RANBP2: variants seen among roughly 807,000 people sequenced by gnomAD.
RANBP2 encodes the protein RAN binding protein 2, also known as E3 SUMO-protein ligase RanBP2.
Under a neutral mutation model 303.6 loss-of-function variants are expected in RANBP2, and 57 were observed. The observed-to-expected ratio is 0.19, with a 90% CI of 0.15 to 0.23. The LOEUF (loss-of-function observed/expected upper bound fraction) is 0.23, where lower values mean the gene tolerates loss of function less well. Ranked by LOEUF, RANBP2 falls within the 10% of genes least tolerant of loss-of-function variation. The pLI, the probability that RANBP2 is intolerant of heterozygous loss-of-function variation, is 1.00. For missense variants in RANBP2, 3,138 were observed against 3,780.8 expected, an observed-to-expected ratio of 0.83 and a Z score of 4.46; for synonymous variants, 1,167 against 1,301.5, an observed-to-expected ratio of 0.90 and a Z score of 2.23.
chr2:109,695,616 T>C, the RANBP2 span, among the ~76,000 whole-genome samples: 4 of 152,112 alleles, frequency 2.6e-5, no homozygotes, highest in Non-Finnish European at 5.9e-5. Context: ...TTCTATCAGA[T>C]AGGAGATAGA....
the RANBP2 span, among the ~76,000 whole-genome samples, chr2:109,053,136 G>T: frequency 4.6e-5 from 7 of 152,188 alleles, no homozygotes; most frequent in African/African-American, 1.7e-4. Context: ...TATCCTCCAG[G>T]TACTGGATCT....
chr2:109,050,879 G>C, the RANBP2 span, among the ~76,000 whole-genome samples: 11 of 152,218 alleles, frequency 7.2e-5, no homozygotes, highest in East Asian at 1.9e-3. Context: ...TATGTATTTA[G>C]GAGATGTGTA....
chr2:109,614,664 C>T, the RANBP2 span: 1 of 1,480,316 alleles, frequency 6.8e-7, no homozygotes. Context: ...CTTCAAGGAG[C>T]TGGTGAACGC....
the RANBP2 span, among the ~76,000 whole-genome samples, chr2:109,475,077 G>A: frequency 9.2e-5 from 14 of 152,142 alleles, no homozygotes; most frequent in African/African-American, 2.4e-4. Flanking sequence ...TCCCAGGTTC[G>A]AGCGATCCTC....
the RANBP2 span, among the ~76,000 whole-genome samples, chr2:109,506,948 A>G: frequency 6.6e-6 from 1 of 152,200 alleles, no homozygotes; most frequent in African/African-American, 2.4e-5. Flanking sequence ...CAGCCACCCC[A>G]CACAGAGCAG....
the RANBP2 span, among the ~76,000 whole-genome samples, chr2:109,103,624 T>C: frequency 6.6e-6 from 1 of 152,180 alleles, no homozygotes; most frequent in East Asian, 1.9e-4. Context: ...GCCAAGCTTC[T>C]TGTTACATAG....
At chr2:109,771,672 G>A in the RANBP2 span, among the ~76,000 whole-genome samples, 54 of 18,794 alleles carry the variant, frequency 2.9e-3, 1 homozygote, top group Non-Finnish European at 3.7e-3. Context: ...AGTCTGAAAG[G>A]AAGTAGGGTA....
At chr2:108,883,007 C>G in the RANBP2 span, 1 of 152,054 alleles carries the variant, frequency 6.6e-6, no homozygotes, top group African/African-American at 2.4e-5. Context: ...AAGACCTTGT[C>G]TTCTTTATAT....
the RANBP2 span, among the ~76,000 whole-genome samples, chr2:108,860,540 G>A: frequency 6.6e-6 from 1 of 151,024 alleles, no homozygotes; most frequent in Non-Finnish European, 1.5e-5. Context: ...CTAAAGAGAT[G>A]TTGGATTTTA....
the RANBP2 span, among the ~76,000 whole-genome samples, chr2:109,492,758 T>C: frequency 6.6e-6 from 1 of 152,092 alleles, no homozygotes; most frequent in East Asian, 1.9e-4. Context: ...TACCTCTCTG[T>C]AGGGTGCGCA....
chr2:109,305,215 C>T, the RANBP2 span, among the ~76,000 whole-genome samples: 1 of 152,134 alleles, frequency 6.6e-6, no homozygotes, highest in Non-Finnish European at 1.5e-5. Flanking sequence ...ATATCTCTTT[C>T]TCAGCTGGTT....
At chr2:109,478,700 A>G in the RANBP2 span, among the ~76,000 whole-genome samples, 1 of 152,030 alleles carries the variant, frequency 6.6e-6, no homozygotes, top group Non-Finnish European at 1.5e-5. Flanking sequence ...GAAGGGAGAG[A>G]GGGGGAGAGT....
chr2:108,929,386 A>G, the RANBP2 span: 2 of 1,613,940 alleles, frequency 1.2e-6, no homozygotes, highest in Non-Finnish European at 8.5e-7. Context: ...AGGACTGTCC[A>G]GGGAAAGAGG....
the RANBP2 span, among the ~76,000 whole-genome samples, chr2:109,541,453 G>A: frequency 3.3e-5 from 5 of 152,098 alleles, no homozygotes; most frequent in Non-Finnish European, 5.9e-5. Context: ...GGCCTGCCCC[G>A]GCCCAGCTCC....
the RANBP2 span, among the ~76,000 whole-genome samples, chr2:109,044,053 A>G: frequency 6.6e-6 from 1 of 152,166 alleles, no homozygotes; most frequent in Non-Finnish European, 1.5e-5. Flanking sequence ...GGCATAATCA[A>G]AAGGAAGAAA....
Position 108,764,216 on chromosome 2 carries a change from C to T in RANBP2, c.3677C>T (p.Thr1226Ile), listed in dbSNP as rs375749231. The change falls in exon 20 of 29, where the codon ACA (threonine) becomes ATA (isoleucine). Residue 1226 changes from threonine to isoleucine, a missense_variant. By Grantham distance (89) the Thr-to-Ile change is moderately conservative. This residue lies in a region of RANBP2 where 72 missense variants were observed against 119.5 expected (regional missense o/e 0.60). Coordinates refer to ENST00000283195, the MANE Select transcript of RANBP2 (RefSeq NM_006267.5). ...AATGTAAAAATACTGAGGCATAAAA[C>T]ATCTGGTAAAATTCGCCTTCTAATG... ...IGNVKILRHK[T>I]SGKIRLLMRR... 2 of 1,614,060 alleles carry T rather than the reference C, an allele frequency of 1.2e-6. No individual in the cohort carries two copies. The highest frequency in any genetic ancestry group is 1.7e-6 in the Non-Finnish European group (2 of 1,179,972).
the RANBP2 span, among the ~76,000 whole-genome samples, chr2:109,420,742 G>A: frequency 2.6e-5 from 4 of 152,164 alleles, no homozygotes; most frequent in African/African-American, 9.7e-5. Context: ...ACCGCGCCCG[G>A]CCAAACAGGA....
the RANBP2 span, among the ~76,000 whole-genome samples, chr2:109,238,627 T>A: frequency 6.6e-6 from 1 of 152,128 alleles, no homozygotes; most frequent in African/African-American, 2.4e-5. Context: ...TGCCACTGTT[T>A]CAGAGTTTCT....
chr2:109,150,381 T>C, the RANBP2 span, among the ~76,000 whole-genome samples: 5 of 152,268 alleles, frequency 3.3e-5, no homozygotes, highest in East Asian at 9.6e-4. Context: ...GATTTTTGTC[T>C]ATAACCTGAT....
Sources: gnomAD v4.1 joint callset for allele counts (sites outside exome capture counted in the v4.1 genomes callset) on GRCh38, gnomAD v4.1.1 for gene constraint, gnomAD v4.1.1 regional missense constraint, MANE v1.5 for transcripts, NCBI Gene and HGNC (gene_info 2026-07-23, HGNC 2026-07-21) for gene names.